Variants in ITPR2 observed in about 807,000 individuals in gnomAD.
ITPR2 encodes the protein inositol 1,4,5-trisphosphate-gated calcium channel ITPR2.
Under a neutral mutation model 317.1 loss-of-function variants are expected in ITPR2, and 207 were observed. That is an observed-to-expected ratio of 0.65 (90% CI 0.58 to 0.73). The LOEUF is 0.73. Among genes scored for constraint, ITPR2 ranks in the 30% least tolerant of loss-of-function variants. The pLI, the probability that ITPR2 is intolerant of heterozygous loss-of-function variation, is 0.00. For synonymous variants in ITPR2, 1,156 were observed against 1,149.1 expected (o/e 1.01, Z -0.12); for missense variants, 2,613 against 3,284.0 (o/e 0.80, Z 4.99).
At chr12:26,480,037 T>C (rs555331166) in intron 43 of ITPR2, among the ~76,000 whole-genome samples, 76 of 152,380 alleles carry the variant, frequency 5.0e-4, no homozygotes, top group Non-Finnish European at 9.8e-4. Flanking sequence ...AAAAATATCA[T>C]TCCTATTCTT....
intron 32 of ITPR2, among the ~76,000 whole-genome samples, chr12:26,588,937 A>C (rs1945612147): frequency 6.6e-6 from 1 of 152,222 alleles, no homozygotes. Context: ...CAAAGAAAAA[A>C]TATAGTCTGA....
intron 50 of ITPR2, 73 bp from the exon 51 acceptor site, chr12:26,415,571 T>C (rs1294459498): frequency 4.8e-6 from 5 of 1,048,488 alleles, no homozygotes; most frequent in Non-Finnish European, 6.7e-6. Flanking sequence ...AAAATATAAT[T>C]ACAAATACAA....
chr12:26,469,708 C>T (rs116624165), intron 45 of ITPR2, among the ~76,000 whole-genome samples: 1,872 of 152,018 alleles, frequency 0.012, 27 homozygotes, highest in African/African-American at 0.039. Context: ...TCTGGCACAG[C>T]GCTTGGCATC....
At chr12:26,635,785 A>G (rs1946852044) in intron 21 of ITPR2, among the ~76,000 whole-genome samples, 1 of 152,232 alleles carries the variant, frequency 6.6e-6, no homozygotes, top group Non-Finnish European at 1.5e-5. Flanking sequence ...TTTACTTTCT[A>G]GAACTAGAGC....
intron 26 of ITPR2, among the ~76,000 whole-genome samples, chr12:26,606,132 G>C (rs1228851466): frequency 6.7e-6 from 1 of 149,876 alleles, no homozygotes; most frequent in East Asian, 1.9e-4. Flanking sequence ...CAAAATATTA[G>C]AAAAGTGCAA....
chr12:26,796,266 A>G (rs1304584595), intron 1 of ITPR2, among the ~76,000 whole-genome samples: 2 of 152,236 alleles, frequency 1.3e-5, no homozygotes, highest in African/African-American at 2.4e-5. Context: ...ATGTCTATGA[A>G]TCAATAAGAA....
At chr12:26,384,517 G>A (rs1204833421) in intron 55 of ITPR2, among the ~76,000 whole-genome samples, 2 of 152,168 alleles carry the variant, frequency 1.3e-5, no homozygotes, top group Non-Finnish European at 2.9e-5. Flanking sequence ...TGGCTCTGGA[G>A]AAAGCTCTGA....
At chr12:26,706,551 TACTC>T in intron 9 of ITPR2, among the ~76,000 whole-genome samples, 1 of 152,268 alleles carries the variant, frequency 6.6e-6, no homozygotes, top group Non-Finnish European at 1.5e-5. Flanking sequence ...CCATGTGCCT[TACTC>T]ATTCATTAAG....
intron 45 of ITPR2, among the ~76,000 whole-genome samples, chr12:26,466,708 G>A (rs79126892): frequency 0.032 from 4,830 of 152,256 alleles, 258 homozygotes; most frequent in African/African-American, 0.11. Context: ...CATTTTTATA[G>A]ATGAGAAGGT....
At chr12:26,520,331 C>T (rs568962005) in intron 37 of ITPR2, among the ~76,000 whole-genome samples, 6 of 152,224 alleles carry the variant, frequency 3.9e-5, no homozygotes, top group East Asian at 1.9e-4. Flanking sequence ...GAACAGACTC[C>T]AGGAAGGAAG....
intron 48 of ITPR2, among the ~76,000 whole-genome samples, chr12:26,429,460 C>T (rs1309015678): frequency 2.0e-5 from 3 of 152,176 alleles, no homozygotes; most frequent in Non-Finnish European, 2.9e-5. Flanking sequence ...GTACCCTACT[C>T]GTGTTTATGA....
intron 34 of ITPR2, among the ~76,000 whole-genome samples, chr12:26,564,732 AC>A (rs1251452729): frequency 6.6e-6 from 1 of 152,152 alleles, no homozygotes; most frequent in East Asian, 1.9e-4. Context: ...TTGTCAGCAA[AC>A]CTCAGAAGCT....
In ITPR2 at chr12:26,437,305, T is replaced by G. The variant is rs11832307; in HGVS notation, c.6644-959A>C. 9.6e-4 allele frequency among the ~76,000 whole-genome samples: 146 copies of G among 152,348 alleles called. 1 individual carries two copies. The highest frequency in any genetic ancestry group is 3.3e-3 in the African/African-American group (138 of 41,594). On this transcript the variant is annotated intron_variant, in intron 47 of 56. Transcript: ENST00000381340. Reference sequence around the variant, plus strand: ...ATTTTCAAATGGAAATGATTAACTTTGTAGATATATCCTGTGAATTTCAAC... The same window carrying G: ...ATTTTCAAATGGAAATGATTAACTTGGTAGATATATCCTGTGAATTTCAAC...
chr12:26,341,141 G>A (rs1172370651), intron 55 of ITPR2, among the ~76,000 whole-genome samples: 1 of 152,136 alleles, frequency 6.6e-6, no homozygotes, highest in African/African-American at 2.4e-5. Context: ...GGTAAATCAT[G>A]TGGTCCCCAT....
intron 23 of ITPR2, among the ~76,000 whole-genome samples, 162 bp downstream of exon 23, chr12:26,627,871 T>C (rs533446851): frequency 5.0e-4 from 76 of 152,158 alleles, no homozygotes; most frequent in Admixed American, 2.2e-3. Context: ...TGTATACCTA[T>C]GTAACAAATC....
At chr12:26,784,303 C>CTCTCCT (rs1950156620) in intron 2 of ITPR2, among the ~76,000 whole-genome samples, 1 of 23,304 alleles carries the variant, frequency 4.3e-5, no homozygotes, top group African/African-American at 1.4e-4. Flanking sequence ...CTCCCTCTCC[C>CTCTCCT]TCTCCCTCTC....
intron 2 of ITPR2, among the ~76,000 whole-genome samples, chr12:26,761,169 C>T (rs7309939): frequency 0.4 from 60,434 of 151,848 alleles, 13,537 homozygotes; most frequent in Non-Finnish European, 0.53. Context: ...TAGATTCAAG[C>T]ACCAGACTCA....
At chr12:26,693,732 G>A (rs748451393) in intron 10 of ITPR2, among the ~76,000 whole-genome samples, 14 of 152,088 alleles carry the variant, frequency 9.2e-5, no homozygotes, top group Non-Finnish European at 1.8e-4. Flanking sequence ...CTCTGCTCAG[G>A]CCAAAATCAT....
At chr12:26,789,823 T>A (rs1950313126) in intron 2 of ITPR2, among the ~76,000 whole-genome samples, 1 of 152,224 alleles carries the variant, frequency 6.6e-6, no homozygotes, top group Non-Finnish European at 1.5e-5. Flanking sequence ...AATGCAACAC[T>A]ATAACATTTA....
Sources: gnomAD v4.1 joint callset for allele counts (sites outside exome capture counted in the v4.1 genomes callset) on GRCh38, gnomAD v4.1.1 for gene constraint, MANE v1.5 for transcripts, NCBI Gene and HGNC (gene_info 2026-07-23, HGNC 2026-07-21) for gene names.